The following CERS3 variants were observed in gnomAD, a reference collection of about 807,000 sequenced individuals.
CERS3 encodes the protein LAG1 homolog, ceramide synthase 3.
A neutral mutation model predicts 50.3 loss-of-function variants in CERS3; 33 were observed. The observed-to-expected ratio is 0.66, with a 90% CI of 0.50 to 0.88. The LOEUF (loss-of-function observed/expected upper bound fraction) is 0.88, where lower values mean the gene tolerates loss of function less well. Among genes scored for constraint, CERS3 ranks in the 40% least tolerant of loss-of-function variants. The pLI is 0.00. For synonymous variants in CERS3, 176 were observed against 155.2 expected, an observed-to-expected ratio of 1.13 and a Z score of -0.99; for missense variants, 470 against 460.3, an observed-to-expected ratio of 1.02 and a Z score of -0.19.
At chr15:100,534,166 G>A (rs1314079810) in intron 1 of CERS3, among the ~76,000 whole-genome samples, 2 of 152,136 alleles carry the variant, frequency 1.3e-5, no homozygotes, top group African/African-American at 2.4e-5. Context: ...GGTTACAGGT[G>A]TGGCTGTCAG....
intron 10 of CERS3, among the ~76,000 whole-genome samples, chr15:100,462,533 G>A (rs1503474): frequency 0.33 from 50,061 of 152,008 alleles, 8,452 homozygotes; most frequent in East Asian, 0.45. Context: ...TAAATGACTG[G>A]GTAGTTGAAG....
intron 11 of CERS3, among the ~76,000 whole-genome samples, chr15:100,434,448 A>G (rs1241543887): frequency 1.3e-5 from 2 of 152,274 alleles, no homozygotes; most frequent in Non-Finnish European, 2.9e-5. Flanking sequence ...CAGGTGCTAA[A>G]GCCCACATGA....
chr15:100,511,835 C>G (rs76176565), intron 2 of CERS3, among the ~76,000 whole-genome samples: 1 of 8,728 alleles, frequency 1.1e-4, no homozygotes, highest in African/African-American at 2.0e-4. Context: ...GGAGCCTGGG[C>G]TTCCATTAAT....
At chr15:100,424,222 T>A (rs1293843519) in intron 11 of CERS3, among the ~76,000 whole-genome samples, 2 of 152,184 alleles carry the variant, frequency 1.3e-5, no homozygotes, top group African/African-American at 4.8e-5. Flanking sequence ...ATTACAGGTG[T>A]GAGCCACCAT....
intron 3 of CERS3, 59 bp from the exon 4 acceptor site, chr15:100,490,990 C>T: frequency 2.0e-6 from 2 of 998,790 alleles, no homozygotes. Context: ...ACGATGACAC[C>T]AGAAAATTAA....
At chr15:100,515,303 C>A (rs1596796644) in intron 2 of CERS3, among the ~76,000 whole-genome samples, 1 of 152,156 alleles carries the variant, frequency 6.6e-6, no homozygotes, top group East Asian at 1.9e-4. Flanking sequence ...AGAGAAAATA[C>A]AAAGTGTACT....
chr15:100,413,875 A>AAAC (rs386384012), intron 11 of CERS3, among the ~76,000 whole-genome samples: 92 of 29,372 alleles, frequency 3.1e-3, no homozygotes, highest in Middle Eastern at 0.02. Flanking sequence ...ATAACCTCCC[A>AAAC]AAATTGAATC....
In CERS3 at chr15:100,402,604, T is replaced by A. The variant is rs2030631088; in HGVS notation, c.*109A>T. 2 of 1,051,326 alleles carry A rather than the reference T, an allele frequency of 1.9e-6. No individual in the cohort carries two copies. The highest frequency in any genetic ancestry group is 2.5e-5 in the Admixed American group (1 of 39,388). 65.1% of individuals were successfully genotyped at this position (1,051,326 alleles called of 1,614,324 possible). A position where few individuals can be genotyped will look rare whatever the true frequency, so the allele number is the denominator to read the frequency against. ...ACATCTTAGGTGGGAGGGAAGGCGGTGGTGAGAAAGAGGGAAGGGCAGAAT... is the reference window on the plus strand; with the variant it reads ...ACATCTTAGGTGGGAGGGAAGGCGGAGGTGAGAAAGAGGGAAGGGCAGAAT... On this transcript the variant is annotated 3_prime_UTR_variant, in exon 12 of 12. Coordinates refer to ENST00000679737, the MANE Select transcript of CERS3 (RefSeq NM_001378789.1).
At chr15:100,449,207 C>A (rs1193098392) in intron 11 of CERS3, among the ~76,000 whole-genome samples, 1 of 152,254 alleles carries the variant, frequency 6.6e-6, no homozygotes, top group Non-Finnish European at 1.5e-5. Context: ...GCCGACCTAA[C>A]CTGCTGCTAT....
chr15:100,528,039 G>T (rs576774649), intron 1 of CERS3, among the ~76,000 whole-genome samples: 2 of 152,270 alleles, frequency 1.3e-5, no homozygotes, highest in African/African-American at 4.8e-5. Flanking sequence ...GTGGGTTAAT[G>T]AATAAATTAA....
intron 11 of CERS3, among the ~76,000 whole-genome samples, chr15:100,403,417 T>C (rs2030714172): frequency 6.6e-6 from 1 of 151,576 alleles, no homozygotes; most frequent in Non-Finnish European, 1.5e-5. Context: ...GACAAAACAA[T>C]TAATGAAACT....
intron 11 of CERS3, chr15:100,438,040 T>TTTG (rs2033509561): frequency 7.2e-6 from 1 of 138,544 alleles, no homozygotes. Context: ...TACCCACTTT[T>TTTG]TTTTTTTTTT....
chr15:100,426,648 A>G (rs2032829589), intron 11 of CERS3, among the ~76,000 whole-genome samples: 1 of 152,210 alleles, frequency 6.6e-6, no homozygotes, highest in African/African-American at 2.4e-5. Flanking sequence ...TTAATCTAAT[A>G]CCATAGCATT....
At chr15:100,505,494 A>C (rs1262428137) in intron 2 of CERS3, among the ~76,000 whole-genome samples, 1 of 152,234 alleles carries the variant, frequency 6.6e-6, no homozygotes, top group African/African-American at 2.4e-5. Context: ...AAACTGAGAA[A>C]GACAATAAAT....
intron 1 of CERS3, among the ~76,000 whole-genome samples, chr15:100,542,555 G>C (rs1261424598): frequency 1.3e-5 from 2 of 152,082 alleles, no homozygotes; most frequent in African/African-American, 4.8e-5. Context: ...CTAATACTAT[G>C]TAAAGTAAAT....
chr15:100,484,440 G>C, intron 5 of CERS3, 110 bp downstream of exon 5: 1 of 731,964 alleles, frequency 1.4e-6, no homozygotes, highest in Non-Finnish European at 2.4e-6. Context: ...GTGGGTGACA[G>C]AGCTGGGTCT....
At chr15:100,457,764 G>A (rs2034423980) in intron 10 of CERS3, among the ~76,000 whole-genome samples, 1 of 152,178 alleles carries the variant, frequency 6.6e-6, no homozygotes, top group Admixed American at 6.5e-5. Context: ...CAGAGTGGTA[G>A]CTTTACATTC....
chr15:100,420,402 T>G (rs374252768), intron 11 of CERS3, among the ~76,000 whole-genome samples: 10,026 of 152,244 alleles, frequency 0.066, 455 homozygotes, highest in Middle Eastern at 0.11. Flanking sequence ...AATCTCTGAA[T>G]AGACCAATAA....
chr15:100,524,037 G>C (rs1412823106), intron 1 of CERS3, among the ~76,000 whole-genome samples: 4 of 152,094 alleles, frequency 2.6e-5, no homozygotes, highest in South Asian at 2.1e-4. Flanking sequence ...ATAAATCAAA[G>C]GTCCAAATTT....
Sources: allele counts gnomAD v4.1 joint callset (sites outside exome capture counted in the v4.1 genomes callset), GRCh38; gene constraint gnomAD v4.1.1; transcripts MANE v1.5; gene names NCBI Gene and HGNC (gene_info 2026-07-23, HGNC 2026-07-21).